The following BUB1 variants were observed in gnomAD, a reference collection of about 807,000 sequenced individuals.
BUB1 encodes the protein BUB1 mitotic checkpoint serine/threonine kinase, also known as mitotic checkpoint serine/threonine-protein kinase BUB1.
Under a neutral mutation model 135.2 loss-of-function variants are expected in BUB1, and 84 were observed. That is an observed-to-expected ratio of 0.62 (90% CI 0.52 to 0.74). BUB1 has a LOEUF of 0.74. BUB1 is among the 30% of genes least tolerant of loss of function. BUB1 has a pLI of 0.00. For synonymous variants in BUB1, 403 were observed against 434.4 expected (o/e 0.93, Z 0.90); for missense variants, 1,162 against 1,288.3 (o/e 0.90, Z 1.50).
intron 17 of BUB1, among the ~76,000 whole-genome samples, chr2:110,652,643 T>C (rs1017349917): frequency 1.3e-5 from 2 of 152,194 alleles, no homozygotes; most frequent in Non-Finnish European, 2.9e-5. Context: ...GGTGACTCTA[T>C]AGAATTATAG....
At chr2:110,651,915 A>T (rs1322476562) in intron 17 of BUB1, among the ~76,000 whole-genome samples, 1 of 152,172 alleles carries the variant, frequency 6.6e-6, no homozygotes, top group Non-Finnish European at 1.5e-5. Flanking sequence ...GTAGTAAACT[A>T]ATCAAACCAT....
chr2:110,667,729 T>C, intron 7 of BUB1, 24 bp from the exon 8 acceptor site: 1 of 1,610,834 alleles, frequency 6.2e-7, no homozygotes, highest in Non-Finnish European at 8.5e-7. Context: ...AAATACATTA[T>C]TTACAACAAT....
rs1406103947 is a variant in BUB1 at position 110,658,631 on chromosome 2, T to C, written c.1388A>G (p.His463Arg). The change falls in exon 12 of 25, where the codon CAC becomes CGC. Residue 463 changes from histidine to arginine, a missense_variant. By Grantham distance (29) the His-to-Arg change is conservative. Coordinates refer to ENST00000302759, the MANE Select transcript of BUB1 (RefSeq NM_004336.5). ...TACTTTACCTAATGCTTCTTTTGTGTGCACGGTGGGTGATGGCTGCACTTT... is the reference window on the plus strand; with the variant it reads ...TACTTTACCTAATGCTTCTTTTGTGCGCACGGTGGGTGATGGCTGCACTTT... Reference protein sequence around the residue: ...PSKVQPSPTVHTKEALGFIMN... With the variant: ...PSKVQPSPTVRTKEALGFIMN... The C allele has an allele frequency of 1.2e-6, 2 of 1,614,138 alleles. No individual in the cohort carries two copies. Among genetic ancestry groups the C allele is most frequent in the Non-Finnish European group, 1.7e-6 (2 of 1,180,056 alleles).
chr2:110,646,074 G>A (rs115982718), intron 19 of BUB1, among the ~76,000 whole-genome samples: 2,975 of 147,774 alleles, frequency 0.02, 99 homozygotes, highest in African/African-American at 0.071. Context: ...GCTCACACCT[G>A]TAATCCCAGC....
In BUB1 at chr2:110,649,395, A is replaced by G. The variant is rs1415153109; in HGVS notation, c.2204-18T>C. 1 of 1,524,716 alleles carries G rather than the reference A, an allele frequency of 6.6e-7. No homozygotes were observed. Among genetic ancestry groups the G allele is most frequent in the Non-Finnish European group, 8.8e-7 (1 of 1,136,196 alleles). The allele number at this position is 1,524,716 out of a possible 1,614,324, so 94.4% of individuals were successfully genotyped here. A position where few individuals can be genotyped will look rare whatever the true frequency, so the allele number is the denominator to read the frequency against. On this transcript the variant is annotated intron_variant, in intron 18 of 24. Transcript: ENST00000302759. The stretch of plus-strand genomic sequence containing the variant: ...AATGAAGTCTTAAAGGAATGAGAAA[A>G]AAAAAAAAAAAGGGAACATGAATTG...
intron 19 of BUB1, among the ~76,000 whole-genome samples, chr2:110,647,475 A>G (rs1559165518): frequency 1.3e-5 from 2 of 152,182 alleles, no homozygotes; most frequent in African/African-American, 4.8e-5. Context: ...TCACATCAAC[A>G]AAGAATCATA....
chr2:110,677,155 C>T (rs925537592), intron 1 of BUB1, among the ~76,000 whole-genome samples: 1 of 152,110 alleles, frequency 6.6e-6, no homozygotes, highest in East Asian at 1.9e-4. Context: ...AAAACAGGAC[C>T]AGGAATATCT....
intron 17 of BUB1, among the ~76,000 whole-genome samples, chr2:110,651,782 C>T (rs1351876926): frequency 6.6e-6 from 1 of 152,152 alleles, no homozygotes; most frequent in East Asian, 1.9e-4. Flanking sequence ...TATATCTTCT[C>T]TATGTTTACA....
At chr2:110,660,821 G>A (rs973584409) in intron 10 of BUB1, 9 of 152,290 alleles carry the variant, frequency 5.9e-5, no homozygotes, top group Non-Finnish European at 1.0e-4. Flanking sequence ...ATGTCCTCTA[G>A]CATTTAAAAG....
Position 110,661,650 on chromosome 2 carries a change from A to G in BUB1, c.1149T>C (p.Ala383=), listed in dbSNP as rs1426193509. Residue 383 remains alanine (A), a synonymous_variant, in exon 10 of 25, where the codon GCT becomes GCC. Coordinates refer to ENST00000302759, the MANE Select transcript of BUB1 (RefSeq NM_004336.5). Reference sequence around the variant, plus strand: ...TCTGGGCTTTCAAAGGAACAGGAGGAGCAATGCTCTGGCTGGTGGCTGGGG... The same window carrying G: ...TCTGGGCTTTCAAAGGAACAGGAGGGGCAATGCTCTGGCTGGTGGCTGGGG... ...LVSPATSQSI[A]PPVPLKAQTV... 1.9e-6 allele frequency: 3 copies of G among 1,614,220 alleles called. No homozygotes were observed. Among genetic ancestry groups the G allele is most frequent in the South Asian group, 2.2e-5 (2 of 91,080 alleles).
At chr2:110,667,479 T>A in intron 8 of BUB1, 42 bp downstream of exon 8, 2 of 1,547,650 alleles carry the variant, frequency 1.3e-6, no homozygotes, top group South Asian at 1.2e-5. Flanking sequence ...AGGATTTTTT[T>A]ATGTGACATA....
intron 24 of BUB1, 84 bp downstream of exon 24, chr2:110,639,658 T>G: frequency 9.0e-7 from 1 of 1,111,742 alleles, no homozygotes; most frequent in Non-Finnish European, 1.3e-6. Context: ...GTGGCAGAGA[T>G]CCTTTTTTTT....
intron 13 of BUB1, 86 bp from the exon 14 acceptor site, chr2:110,657,731 G>A: frequency 1.1e-6 from 1 of 929,780 alleles, no homozygotes; most frequent in Non-Finnish European, 1.6e-6. Flanking sequence ...ATAAGAAAAA[G>A]GACTAACAGC....
At chr2:110,650,021 C>G (rs1385152616) in intron 18 of BUB1, among the ~76,000 whole-genome samples, 1 of 152,112 alleles carries the variant, frequency 6.6e-6, no homozygotes, top group East Asian at 1.9e-4. Flanking sequence ...CAATAAGCCT[C>G]TAAGGTAGGT....
At chr2:110,649,695 T>C (rs1036445052) in intron 18 of BUB1, among the ~76,000 whole-genome samples, 1 of 152,152 alleles carries the variant, frequency 6.6e-6, no homozygotes, top group Non-Finnish European at 1.5e-5. Flanking sequence ...TAGGGATACA[T>C]GTCTTAAGGG....
chr2:110,668,347 CATCTCT>C lies in BUB1; in HGVS notation c.568-504_568-499del, dbSNP rs1690322312. Among the ~76,000 whole-genome samples, 3 of 152,120 alleles carry C rather than the reference CATCTCT, an allele frequency of 2.0e-5. 1 individual carries two copies. The South Asian group carries it at 6.2e-4, about 32-fold the overall frequency. ...GGGAAATGTGACTGCAATCAAGACC[CATCTCT>C]ACTGTCTGGAGCTTAGACAGGACAA... On this transcript the variant is annotated intron_variant, in intron 6 of 24. Coordinates refer to ENST00000302759, the MANE Select transcript of BUB1 (RefSeq NM_004336.5).
chr2:110,644,058 C>CA (rs58393999), intron 19 of BUB1, among the ~76,000 whole-genome samples: 9,964 of 39,570 alleles, frequency 0.25, 1,424 homozygotes, highest in Non-Finnish European at 0.3. Flanking sequence ...AACTGAAATG[C>CA]AAAAAAAAAA....
Position 110,660,580 on chromosome 2 carries a change from T to C in BUB1, c.1218-544A>G, listed in dbSNP as rs12623473. 8.1e-3 allele frequency among the ~76,000 whole-genome samples: 1,232 copies of C among 152,260 alleles called. 75 individuals carry two copies. The East Asian group carries it at 0.17, about 21-fold the overall frequency. ...AGTTCCATTTCAGGAAAAGAATTCT[T>C]ACAGAAAAGACCAGGTACTAAACAT... On this transcript the variant is annotated intron_variant, in intron 10 of 24. Coordinates refer to ENST00000302759, the MANE Select transcript of BUB1 (RefSeq NM_004336.5).
intron 18 of BUB1, among the ~76,000 whole-genome samples, chr2:110,650,207 CG>C (rs796197770): frequency 5.4e-3 from 122 of 22,788 alleles, no homozygotes; most frequent in East Asian, 0.016. Context: ...AGGGGGTGGG[CG>C]GGGGGGGGTG....
Sources: allele counts gnomAD v4.1 joint callset (sites outside exome capture counted in the v4.1 genomes callset), GRCh38; gene constraint gnomAD v4.1.1; transcripts MANE v1.5; gene names NCBI Gene and HGNC (gene_info 2026-07-23, HGNC 2026-07-21).